PTPRU: variants seen among roughly 807,000 people sequenced by gnomAD.
PTPRU encodes the protein receptor-type tyrosine-protein phosphatase U.
Under a neutral mutation model 166.3 loss-of-function variants are expected in PTPRU, and 69 were observed. That is an observed-to-expected ratio of 0.41 (90% confidence interval 0.34 to 0.51). The LOEUF is 0.51. PTPRU is among the 20% of genes least tolerant of loss of function. The pLI, the probability that PTPRU is intolerant of heterozygous loss-of-function variation, is 0.09. For synonymous variants in PTPRU, 793 were observed against 814.0 expected (o/e 0.97, Z 0.44); for missense variants, 1,657 against 2,013.7 (o/e 0.82, Z 3.39).
intron 1 of PTPRU, among the ~76,000 whole-genome samples, chr1:29,244,554 C>T (rs962369817): frequency 6.6e-5 from 10 of 152,016 alleles, no homozygotes; most frequent in African/African-American, 2.2e-4. Flanking sequence ...TTTACAGGAG[C>T]GTGCATGTGG....
intron 1 of PTPRU, among the ~76,000 whole-genome samples, chr1:29,254,313 A>G (rs2151943108): frequency 6.6e-6 from 1 of 152,330 alleles, no homozygotes; most frequent in East Asian, 1.9e-4. Flanking sequence ...TTATCAGGCA[A>G]CCAGCTCAGG....
chr1:29,312,472 C>A, intron 21 of PTPRU, 80 bp from the exon 22 acceptor site: 1 of 1,316,922 alleles, frequency 7.6e-7, no homozygotes, highest in Non-Finnish European at 1.0e-6. Context: ...ATGCTTACTG[C>A]AGTGCCTGGC....
chr1:29,309,568 T>C (rs773966243), intron 18 of PTPRU, among the ~76,000 whole-genome samples: 4 of 152,238 alleles, frequency 2.6e-5, no homozygotes, highest in Non-Finnish European at 5.9e-5. Flanking sequence ...TAATGGCTAT[T>C]ACTGAATAAG....
Position 29,263,516 on chromosome 1 carries a change from G to T in PTPRU, c.1144+2613G>T, listed in dbSNP as rs76126762. Reference sequence around the variant, plus strand: ...TGATATATGTTTTCATTTTTCTTATGTACCATATATATCATAAGATATCTC... The same window carrying T: ...TGATATATGTTTTCATTTTTCTTATTTACCATATATATCATAAGATATCTC... On this transcript the variant is annotated intron_variant, in intron 7 of 29. Transcript: ENST00000373779. Among the ~76,000 whole-genome samples, 1,080 of 152,146 alleles carry T rather than the reference G, an allele frequency of 7.1e-3. 11 individuals are homozygous for T. The highest frequency in any genetic ancestry group is 0.025 in the African/African-American group (1,049 of 41,500).
chr1:29,272,583 G>T (rs1685607507), intron 7 of PTPRU, among the ~76,000 whole-genome samples: 1 of 152,096 alleles, frequency 6.6e-6, no homozygotes, highest in Non-Finnish European at 1.5e-5. Flanking sequence ...TCTTCATAAG[G>T]GGAATTCTGA....
intron 28 of PTPRU, among the ~76,000 whole-genome samples, chr1:29,324,165 C>T (rs2151972660): frequency 6.6e-6 from 1 of 152,256 alleles, no homozygotes; most frequent in Admixed American, 6.5e-5. Flanking sequence ...TCCATCCATC[C>T]ACCCATCCAT....
At chr1:29,244,195 G>A (rs1013439635) in intron 1 of PTPRU, among the ~76,000 whole-genome samples, 33 of 152,146 alleles carry the variant, frequency 2.2e-4, no homozygotes, top group Middle Eastern at 6.8e-3. Context: ...CAGCCCCCGG[G>A]GGCTCCCAGA....
At position 29,237,608 on chromosome 1, in the gene PTPRU, C is replaced by T. The variant is rs1294325612; in HGVS notation, c.73+891C>T. On this transcript the variant is annotated intron_variant, in intron 1 of 29. Transcript: ENST00000373779. This position sits in a 1 kb window ranked among gnomAD's most constrained non-coding sequence, Gnocchi z 6.4. Reference sequence around the variant, plus strand: ...GGCGCGCTGGGCCGGAACAAGTTGTCGCGGCGGCGCCCCCTGGGCTGCCCG... The same window carrying T: ...GGCGCGCTGGGCCGGAACAAGTTGTTGCGGCGGCGCCCCCTGGGCTGCCCG... 1.3e-5 allele frequency among the ~76,000 whole-genome samples: 2 copies of T among 151,518 alleles called. No individual in the cohort carries two copies. The highest frequency in any genetic ancestry group is 3.0e-5 in the Non-Finnish European group (2 of 67,778).
intron 7 of PTPRU, among the ~76,000 whole-genome samples, chr1:29,274,362 G>A (rs772379699): frequency 3.3e-5 from 5 of 152,134 alleles, no homozygotes; most frequent in Non-Finnish European, 7.4e-5. Flanking sequence ...TTAAAGACTC[G>A]AGAACAATGC....
intron 18 of PTPRU, 113 bp downstream of exon 18, chr1:29,305,541 G>A (rs367622264): frequency 4.4e-5 from 48 of 1,082,752 alleles, no homozygotes; most frequent in African/African-American, 3.2e-4. Context: ...GGCTGAGTTC[G>A]GAGTGCCCCT....
rs763206125 is a variant in PTPRU, at chr1:29,258,654, G to A, written c.355G>A (p.Val119Ile). 23 of 1,614,256 alleles carry A rather than the reference G, an allele frequency of 1.4e-5. No individual in the cohort carries two copies. Among genetic ancestry groups the A allele is most frequent in the Non-Finnish European group, 1.9e-5 (22 of 1,180,034 alleles). The change falls in exon 3 of 30, where the codon GTC (valine) becomes ATC (isoleucine). Residue 119 changes from valine (V) to isoleucine (I), a missense_variant. By Grantham distance (29) the Val-to-Ile change is conservative (BLOSUM62 3). Transcript: ENST00000373779. ...CGGGCACAGCCCGGGCACCCTGGGC[G>A]TCTACGTGCGCGTTAATGGGGGCCC... ...RDGHSPGTLG[V>I]YVRVNGGPLG...
Position 29,236,746 on chromosome 1 carries a change from GC to G in PTPRU, c.73+33del. On this transcript the variant is annotated intron_variant, in intron 1 of 29. Coordinates refer to ENST00000373779, the MANE Select transcript of PTPRU (RefSeq NM_133178.4). This position sits in a 1 kb window ranked among gnomAD's most constrained non-coding sequence, Gnocchi z 4.6. ...AGCGCGCGGCGGCCGGACCGAGCCT[GC>G]CCCGCCGAGCCTCGGGGCCCGTGGC... 7.2e-7 allele frequency: 1 copy of G among 1,392,828 alleles called. No homozygotes were observed. Among genetic ancestry groups the G allele is most frequent in the Non-Finnish European group, 9.3e-7 (1 of 1,077,580 alleles). 86.3% of individuals were successfully genotyped at this position (1,392,828 alleles called of 1,614,324 possible). A position where few individuals can be genotyped will look rare whatever the true frequency, so the allele number is the denominator to read the frequency against.
chr1:29,247,151 T>C (rs1214507259), intron 1 of PTPRU, among the ~76,000 whole-genome samples: 1 of 152,262 alleles, frequency 6.6e-6, no homozygotes, highest in Non-Finnish European at 1.5e-5. Flanking sequence ...TGAGAATGCA[T>C]GAAGCTTGAA....
chr1:29,276,623 C>A (rs1240139452), intron 8 of PTPRU, among the ~76,000 whole-genome samples: 1 of 152,070 alleles, frequency 6.6e-6, no homozygotes, highest in Non-Finnish European at 1.5e-5. Flanking sequence ...TGCCAATATT[C>A]TTTTATTATA....
At chr1:29,289,642 C>T (rs768827312) in intron 14 of PTPRU, 11 of 1,613,554 alleles carry the variant, frequency 6.8e-6, no homozygotes, top group Non-Finnish European at 9.3e-6. Flanking sequence ...GTGGACGGAC[C>T]TCGGACACAA....
chr1:29,307,233 GCTGT>G, intron 18 of PTPRU: 1 of 1,490,922 alleles, frequency 6.7e-7, no homozygotes. Context: ...ACGGTCTCTG[GCTGT>G]CTGTCTCTCT....
chr1:29,248,827 G>A (rs758206509), intron 1 of PTPRU, among the ~76,000 whole-genome samples: 28 of 152,082 alleles, frequency 1.8e-4, no homozygotes, highest in Non-Finnish European at 3.7e-4. Context: ...GCTTGTAAAT[G>A]CACGTCTATA....
intron 2 of PTPRU, among the ~76,000 whole-genome samples, chr1:29,256,152 T>C (rs1684762886): frequency 6.6e-6 from 1 of 152,194 alleles, no homozygotes; most frequent in African/African-American, 2.4e-5. Context: ...GGTCATGAGA[T>C]GATGCATATA....
Position 29,316,282 on chromosome 1 carries a change from G to T in PTPRU, c.3513+131G>T, listed in dbSNP as rs1327872978. The T allele has an allele frequency of 6.2e-6, 7 of 1,130,816 alleles. No individual in the cohort carries two copies. The East Asian group carries it at 1.6e-4, about 25-fold the overall frequency. The allele number at this position is 1,130,816 out of a possible 1,614,324, so 70.0% of individuals were successfully genotyped here. A position where few individuals can be genotyped will look rare whatever the true frequency, so the allele number is the denominator to read the frequency against. ...GCCTGAGGCCACAGCTGGAGGGACA[G>T]AGCTGAGCTACCAGGAAGGACTTTG... On this transcript the variant is annotated intron_variant, in intron 24 of 29. Transcript: ENST00000373779.
Sources: gnomAD v4.1 joint callset for allele counts (sites outside exome capture counted in the v4.1 genomes callset) on GRCh38, gnomAD v4.1.1 for gene constraint, Gnocchi (gnomAD v3.1) non-coding constraint, MANE v1.5 for transcripts, NCBI Gene and HGNC (gene_info 2026-07-23, HGNC 2026-07-21) for gene names.